Variants in ALDH1A2 observed in about 807,000 individuals in gnomAD.
The protein encoded by ALDH1A2 is retinal dehydrogenase 2.
A neutral mutation model predicts 60.3 loss-of-function variants in ALDH1A2; 27 were observed. That is an observed-to-expected ratio of 0.45 (90% CI 0.33 to 0.62). The LOEUF is 0.62. Among genes scored for constraint, ALDH1A2 ranks in the 20% least tolerant of loss-of-function variants. ALDH1A2 has a pLI of 0.02. For synonymous variants in ALDH1A2, 289 were observed against 232.4 expected, an observed-to-expected ratio of 1.24 and a Z score of -2.21; for missense variants, 581 against 643.8, an observed-to-expected ratio of 0.90 and a Z score of 1.06.
intron 7 of ALDH1A2, among the ~76,000 whole-genome samples, chr15:57,988,434 G>C (rs116520364): frequency 6.6e-6 from 1 of 152,134 alleles, no homozygotes; most frequent in Non-Finnish European, 1.5e-5. Flanking sequence ...AATCAAAATG[G>C]GGGATTTTAG....
At chr15:58,030,114 G>C (rs1182887391) in intron 1 of ALDH1A2, among the ~76,000 whole-genome samples, 1 of 152,190 alleles carries the variant, frequency 6.6e-6, no homozygotes, top group Non-Finnish European at 1.5e-5. Context: ...CAATATCCCT[G>C]ATGGACACTG....
chr15:57,999,785 T>C (rs1895196868), intron 4 of ALDH1A2, among the ~76,000 whole-genome samples: 1 of 152,028 alleles, frequency 6.6e-6, no homozygotes, highest in Admixed American at 6.6e-5. Context: ...GCAGCACTAT[T>C]CACAATAGCA....
At position 58,001,034 on chromosome 15, in the gene ALDH1A2, T is replaced by TAAAAA. The variant is rs10641902; in HGVS notation, c.494-5900_494-5896dup. Among the ~76,000 whole-genome samples the TAAAAA allele has an allele frequency of 7.8e-3, 979 of 126,180 alleles. 13 individuals are homozygous for TAAAAA. The highest frequency in any genetic ancestry group is 0.011 in the Non-Finnish European group (707 of 61,514). 82.8% of individuals were successfully genotyped at this position (126,180 alleles called of 152,430 possible). ...TGTATTTTTAATACTTCAAAATTGTTAAAAAAAAAAAAAAAAAAAGAATGA... is the reference window on the plus strand; with the variant it reads ...TGTATTTTTAATACTTCAAAATTGTTAAAAAAAAAAAAAAAAAAAAAAAAGAATGA... On this transcript the variant is annotated intron_variant, in intron 4 of 12. Transcript: ENST00000249750.
chr15:57,997,684 T>C (rs1410850099), intron 4 of ALDH1A2, among the ~76,000 whole-genome samples: 1 of 151,712 alleles, frequency 6.6e-6, no homozygotes, highest in East Asian at 1.9e-4. Context: ...CCGAAAAAAG[T>C]GAAAGGGAAG....
At chr15:58,018,419 G>A (rs1399859858) in intron 1 of ALDH1A2, among the ~76,000 whole-genome samples, 2 of 151,980 alleles carry the variant, frequency 1.3e-5, no homozygotes, top group Non-Finnish European at 2.9e-5. Context: ...AAGAGATGAT[G>A]GGATTAGATG....
chr15:58,041,021 AG>A (rs1896507726), intron 1 of ALDH1A2, among the ~76,000 whole-genome samples: 2 of 151,940 alleles, frequency 1.3e-5, no homozygotes, highest in Non-Finnish European at 1.5e-5. Flanking sequence ...TATGTGAAAC[AG>A]GGTGGTGCCC....
At position 57,992,723 on chromosome 15, in the gene ALDH1A2, T is replaced by A; in HGVS notation, c.780A>T (p.Ala260=). ...IASHIGIDKI[A]FTGSTEVGKL... ...TACCTACCTCAGTAGACCCTGTGAA[T>A]GCAATCTTGTCTATGCCAATGTGAG... Residue 260 remains alanine, a synonymous_variant, in exon 7 of 13, where the codon GCA becomes GCT. Coordinates refer to ENST00000249750, the MANE Select transcript of ALDH1A2 (RefSeq NM_003888.4). The A allele has an allele frequency of 6.2e-7, 1 of 1,614,124 alleles. No homozygotes were observed. Among genetic ancestry groups the A allele is most frequent in the Non-Finnish European group, 8.5e-7 (1 of 1,179,974 alleles).
intron 5 of ALDH1A2, among the ~76,000 whole-genome samples, chr15:57,993,356 G>GT (rs1236185526): frequency 3.9e-5 from 6 of 151,978 alleles, no homozygotes; most frequent in African/African-American, 1.2e-4. Context: ...GTTTTGTTTT[G>GT]TCACTGTTTT....
chr15:58,010,927 T>C (rs192136456), intron 3 of ALDH1A2, 149 bp from the exon 4 acceptor site: 16 of 1,075,052 alleles, frequency 1.5e-5, no homozygotes, highest in East Asian at 2.6e-5. Context: ...AATAAAAAGA[T>C]TTCTAGTACT....
At chr15:58,027,368 C>T (rs912353115) in intron 1 of ALDH1A2, among the ~76,000 whole-genome samples, 1 of 152,200 alleles carries the variant, frequency 6.6e-6, no homozygotes, top group Admixed American at 6.5e-5. Flanking sequence ...ACGACATCCA[C>T]ACCAAAACCC....
intron 1 of ALDH1A2, among the ~76,000 whole-genome samples, chr15:58,034,838 A>T (rs144126114): frequency 8.6e-5 from 13 of 151,578 alleles, no homozygotes; most frequent in Non-Finnish European, 1.6e-4. Context: ...GTTATGGTGT[A>T]TAATTCTTTT....
intron 1 of ALDH1A2, among the ~76,000 whole-genome samples, chr15:58,045,453 A>G (rs1299323800): frequency 6.6e-6 from 1 of 152,152 alleles, no homozygotes; most frequent in Non-Finnish European, 1.5e-5. Context: ...ACGTATGTTT[A>G]TTGCGGCACT....
At chr15:57,986,571 CAAAAA>C (rs71116542) in intron 7 of ALDH1A2, among the ~76,000 whole-genome samples, 1,620 of 82,110 alleles carry the variant, frequency 0.02, 38 homozygotes, top group African/African-American at 0.072. Context: ...ACAGAAAAGC[CAAAAA>C]AAAAAAAAAA....
chr15:57,955,553 C>T (rs1893492778), intron 12 of ALDH1A2, among the ~76,000 whole-genome samples: 1 of 152,204 alleles, frequency 6.6e-6, no homozygotes, highest in Non-Finnish European at 1.5e-5. Context: ...CACAGACAGG[C>T]AATGACTCTC....
At chr15:57,996,842 A>G (rs1368290438) in intron 4 of ALDH1A2, among the ~76,000 whole-genome samples, 1 of 152,002 alleles carries the variant, frequency 6.6e-6, no homozygotes, top group African/African-American at 2.4e-5. Flanking sequence ...ATTTCAGCTA[A>G]TCTGATAGCT....
chr15:57,954,365 G>T lies in ALDH1A2; in HGVS notation c.*832C>A, dbSNP rs1303229494. On this transcript the variant is annotated 3_prime_UTR_variant, in exon 13 of 13. Transcript: ENST00000249750. ...CGGATTGTTTTTTGGTTGGTTCTAA[G>T]AAAAACTTTGGAAAAGATCTTATCT... 1 of 152,706 alleles carries T rather than the reference G, an allele frequency of 6.5e-6. No homozygotes were observed. The highest frequency in any genetic ancestry group is 1.5e-5 in the Non-Finnish European group (1 of 68,026). 9.5% of individuals were successfully genotyped at this position (152,706 alleles called of 1,614,324 possible). A position where few individuals can be genotyped will look rare whatever the true frequency, so the allele number is the denominator to read the frequency against.
At chr15:58,047,234 C>T (rs1350150353) in intron 1 of ALDH1A2, among the ~76,000 whole-genome samples, 4 of 151,708 alleles carry the variant, frequency 2.6e-5, no homozygotes, top group Admixed American at 6.6e-5. Context: ...AGTAATAAAA[C>T]GTTTTGTTTT....
At chr15:57,961,808 T>C (rs1045729323) in intron 10 of ALDH1A2, among the ~76,000 whole-genome samples, 1 of 152,242 alleles carries the variant, frequency 6.6e-6, no homozygotes, top group Non-Finnish European at 1.5e-5. Flanking sequence ...GCACATAGCA[T>C]GTCACCTGGC....
At chr15:58,061,610 C>CAAAAAAAAAAAAAAAAAAAAAA (rs1216992550) in intron 1 of ALDH1A2, among the ~76,000 whole-genome samples, 2 of 100,328 alleles carry the variant, frequency 2.0e-5, no homozygotes, top group African/African-American at 3.5e-5. Context: ...AAAAAAAAAA[C>CAAAAAAAAAAAAAAAAAAAAAA]AAAAAAAAAA....
Sources: gnomAD v4.1 joint callset for allele counts (sites outside exome capture counted in the v4.1 genomes callset) on GRCh38, gnomAD v4.1.1 for gene constraint, MANE v1.5 for transcripts, NCBI Gene and HGNC (gene_info 2026-07-23, HGNC 2026-07-21) for gene names.